The following DGKB variants were observed in gnomAD, a reference collection of about 807,000 sequenced individuals.
DGKB encodes the protein 90 kDa diacylglycerol kinase.
Under a neutral mutation model 114.3 loss-of-function variants are expected in DGKB, and 67 were observed. The ratio of observed to expected loss-of-function variants is 0.59; its 90% confidence interval spans 0.48 to 0.72. The LOEUF is 0.72. DGKB is among the 30% of genes least tolerant of loss of function. The probability of loss-of-function intolerance (pLI) is 0.00; values close to 1 mark genes in which losing one functional copy is unlikely to be tolerated. For missense variants in DGKB, 907 were observed against 975.2 expected, an observed-to-expected ratio of 0.93 and a Z score of 0.93; for synonymous variants, 398 against 323.1, an observed-to-expected ratio of 1.23 and a Z score of -2.49.
intron 15 of DGKB, among the ~76,000 whole-genome samples, chr7:14,614,281 G>T (rs961757124): frequency 6.6e-6 from 1 of 152,092 alleles, no homozygotes; most frequent in Non-Finnish European, 1.5e-5. Flanking sequence ...GTGTGGGAAA[G>T]GACAAGTGTT....
upstream of DGKB, among the ~76,000 whole-genome samples, chr7:14,906,621 T>C (rs1382429836): frequency 1.3e-5 from 2 of 151,960 alleles, no homozygotes; most frequent in Non-Finnish European, 2.9e-5. Context: ...GCCCAGCTAA[T>C]TTTTGTATTT....
chr7:14,322,028 A>G (rs1447000262), intron 23 of DGKB, among the ~76,000 whole-genome samples: 1 of 152,216 alleles, frequency 6.6e-6, no homozygotes, highest in Non-Finnish European at 1.5e-5. Flanking sequence ...AGACATTAAC[A>G]AACTGATTAA....
At chr7:14,519,154 T>G (rs1410624598) in intron 20 of DGKB, among the ~76,000 whole-genome samples, 1 of 152,126 alleles carries the variant, frequency 6.6e-6, no homozygotes, top group Non-Finnish European at 1.5e-5. Flanking sequence ...TATTTTTTGG[T>G]AAATATTTTA....
At chr7:14,309,656 C>T (rs1350734402) in intron 23 of DGKB, among the ~76,000 whole-genome samples, 1 of 152,150 alleles carries the variant, frequency 6.6e-6, no homozygotes. Flanking sequence ...ATCTTCTACC[C>T]ACTTGAAGTC....
At chr7:14,318,456 C>T (rs527696034) in intron 23 of DGKB, among the ~76,000 whole-genome samples, 1 of 152,106 alleles carries the variant, frequency 6.6e-6, no homozygotes, top group Non-Finnish European at 1.5e-5. Flanking sequence ...AACAAACAAC[C>T]CCATCGAAAA....
intron 23 of DGKB, among the ~76,000 whole-genome samples, chr7:14,218,104 C>G (rs893566068): frequency 9.9e-5 from 15 of 152,176 alleles, no homozygotes; most frequent in African/African-American, 3.6e-4. Context: ...CCAGATGAAA[C>G]TTCGTGTTCA....
At chr7:14,876,398 C>T (rs1190550788) in intron 1 of DGKB, among the ~76,000 whole-genome samples, 2 of 152,236 alleles carry the variant, frequency 1.3e-5, no homozygotes, top group East Asian at 3.9e-4. Context: ...AAACATAACA[C>T]TGCCTGTTGA....
At chr7:14,187,530 C>T (rs1319897865) in intron 23 of DGKB, among the ~76,000 whole-genome samples, 1 of 152,194 alleles carries the variant, frequency 6.6e-6, no homozygotes, top group Admixed American at 6.5e-5. Flanking sequence ...GCGCTCCTGT[C>T]CTCAGCAAAA....
intron 20 of DGKB, among the ~76,000 whole-genome samples, chr7:14,522,769 T>C (rs1051165669): frequency 5.9e-5 from 9 of 152,322 alleles, no homozygotes; most frequent in Admixed American, 1.3e-4. Context: ...TTTACAGTTT[T>C]TTGGGGAAAG....
At chr7:14,315,600 G>C (rs866756678) in intron 23 of DGKB, among the ~76,000 whole-genome samples, 3,490 of 147,290 alleles carry the variant, frequency 0.024, 124 homozygotes, top group African/African-American at 0.083. Context: ...AAATATATAT[G>C]CACCCAATAC....
chr7:14,700,031 T>C (rs530263806), intron 7 of DGKB, among the ~76,000 whole-genome samples: 17 of 152,034 alleles, frequency 1.1e-4, no homozygotes, highest in African/African-American at 2.4e-4. Context: ...TCCTTGAAAA[T>C]AGAATTTGCA....
At position 14,212,397 on chromosome 7, in the gene DGKB, A is replaced by G. The variant is rs144585301; in HGVS notation, c.2123-34246T>C. ...CTCGTGTTTTGTGATATTTACTCTC[A>G]TGTTTTGTGATTTTACTCTCGTGTT... On this transcript the variant is annotated intron_variant, in intron 23 of 25. Coordinates refer to ENST00000402815, the MANE Select transcript of DGKB (RefSeq NM_001350709.2). 7.9e-3 allele frequency among the ~76,000 whole-genome samples: 324 copies of G among 41,064 alleles called. 76 individuals carry two copies. Among genetic ancestry groups the G allele is most frequent in the Middle Eastern group, 0.013 (1 of 80 alleles). 26.9% of individuals were successfully genotyped at this position (41,064 alleles called of 152,430 possible).
At chr7:14,484,508 C>A (rs1017315767) in intron 20 of DGKB, among the ~76,000 whole-genome samples, 1 of 152,134 alleles carries the variant, frequency 6.6e-6, no homozygotes, top group African/African-American at 2.4e-5. Context: ...CATCTCCCCC[C>A]ACCTCTTGCT....
chr7:14,577,972 T>C (rs1799408866), intron 19 of DGKB, among the ~76,000 whole-genome samples: 1 of 152,094 alleles, frequency 6.6e-6, no homozygotes, highest in South Asian at 2.1e-4. Context: ...TGGCTCTGTG[T>C]CCCCACTCAA....
chr7:14,380,633 G>A (rs1477501965), intron 21 of DGKB, among the ~76,000 whole-genome samples: 2 of 152,078 alleles, frequency 1.3e-5, no homozygotes, highest in Non-Finnish European at 2.9e-5. Context: ...TAAATATTTT[G>A]TGATTATTAG....
At chr7:14,940,085 C>A (rs1312189343) in intron 1 of DGKB, among the ~76,000 whole-genome samples, 1 of 152,226 alleles carries the variant, frequency 6.6e-6, no homozygotes, top group African/African-American at 2.4e-5. Flanking sequence ...ACAGTCTCCA[C>A]ACTAAGCCTC....
chr7:14,146,542 G>A lies in DGKB; in HGVS notation c.*2589C>T, dbSNP rs1781496182. The A allele has an allele frequency of 6.6e-6, 1 of 152,048 alleles. No individual in the cohort carries two copies. The highest frequency in any genetic ancestry group is 2.1e-4 in the South Asian group (1 of 4,824). 9.4% of individuals were successfully genotyped at this position (152,048 alleles called of 1,614,324 possible). ...TCATTCAATATTTTAATATACTATA[G>A]AATTTTCCTTAAACTATATATTTTT... On this transcript the variant is annotated 3_prime_UTR_variant, in exon 26 of 26. Transcript: ENST00000402815.
At chr7:14,497,357 A>C (rs1195272421) in intron 20 of DGKB, among the ~76,000 whole-genome samples, 1 of 151,864 alleles carries the variant, frequency 6.6e-6, no homozygotes, top group Non-Finnish European at 1.5e-5. Flanking sequence ...TTTAAAATAA[A>C]ACATAAGAAA....
chr7:14,577,210 A>C (rs1375621664), intron 19 of DGKB, among the ~76,000 whole-genome samples: 1 of 152,204 alleles, frequency 6.6e-6, no homozygotes, highest in African/African-American at 2.4e-5. Flanking sequence ...TGAAAACATG[A>C]TTAATATTTA....
Sources: allele counts gnomAD v4.1 joint callset (sites outside exome capture counted in the v4.1 genomes callset), GRCh38; gene constraint gnomAD v4.1.1; transcripts MANE v1.5; gene names NCBI Gene and HGNC (gene_info 2026-07-23, HGNC 2026-07-21).